IL1R1: variants seen among roughly 807,000 people sequenced by gnomAD.
IL1R1 encodes the protein interleukin-1 receptor type 1.
In IL1R1, 22 loss-of-function variants were observed where a neutral mutation model predicts 50.2. That is an observed-to-expected ratio of 0.44 (90% CI 0.31 to 0.63). IL1R1 has a LOEUF of 0.63. Among genes scored for constraint, IL1R1 ranks in the 20% least tolerant of loss-of-function variants. The probability of loss-of-function intolerance (pLI) is 0.07; values close to 1 mark genes in which losing one functional copy is unlikely to be tolerated. For synonymous variants in IL1R1, 251 were observed against 236.7 expected (o/e 1.06, Z -0.55); for missense variants, 509 against 676.2 (o/e 0.75, Z 2.74).
chr2:102,094,415 C>A (rs974286113), intron 1 of IL1R1, among the ~76,000 whole-genome samples: 2 of 152,208 alleles, frequency 1.3e-5, no homozygotes, highest in African/African-American at 4.8e-5. Context: ...TATTCAAAAT[C>A]ATCTTTGTCA....
At position 102,164,381 on chromosome 2, in the gene IL1R1, G is replaced by A. The variant is rs184226087; in HGVS notation, c.62-393G>A. On this transcript the variant is annotated intron_variant, in intron 3 of 11. Transcript: ENST00000410023. ...CTGGGATTTCTCTCCTTTGTTTTCTGATGTTCAATGTCTTGAATACTGTTG... is the reference window on the plus strand; with the variant it reads ...CTGGGATTTCTCTCCTTTGTTTTCTAATGTTCAATGTCTTGAATACTGTTG... Among the ~76,000 whole-genome samples the A allele has an allele frequency of 9.2e-5, 14 of 152,136 alleles. No homozygotes were observed. In the East Asian group the frequency reaches 2.7e-3, roughly 29 times the overall value.
intron 1 of IL1R1, among the ~76,000 whole-genome samples, chr2:102,085,618 T>C (rs755477361): frequency 2.0e-5 from 3 of 152,038 alleles, no homozygotes; most frequent in Non-Finnish European, 4.4e-5. Flanking sequence ...CTAATTACTA[T>C]AGCCCTGATA....
At chr2:102,145,401 GA>G (rs1266508846) in intron 1 of IL1R1, among the ~76,000 whole-genome samples, 13 of 152,268 alleles carry the variant, frequency 8.5e-5, no homozygotes, top group African/African-American at 3.1e-4. Flanking sequence ...GAGCATGTGG[GA>G]AGCCCTGGCC....
chr2:102,128,283 G>A (rs1452304018), intron 1 of IL1R1, among the ~76,000 whole-genome samples: 1 of 152,100 alleles, frequency 6.6e-6, no homozygotes, highest in Non-Finnish European at 1.5e-5. Flanking sequence ...TGAAGCTCCA[G>A]TAACATTTGC....
exon 1 of IL1R1, chr2:102,104,779 T>C (rs1480299439): frequency 1.3e-5 from 2 of 152,166 alleles, no homozygotes; most frequent in Non-Finnish European, 2.9e-5. Flanking sequence ...CAGGCTTCAT[T>C]TGGGAAAAGA....
intron 3 of IL1R1, 123 bp downstream of exon 3, chr2:102,157,908 G>A: frequency 1.5e-6 from 1 of 686,748 alleles, no homozygotes; most frequent in South Asian, 1.7e-5. Flanking sequence ...TGGGCACAGA[G>A]CCTCCTGGTC....
rs1416742480 is a variant in IL1R1, at chr2:102,166,278, CTAGG to C, written c.654_655+2del. On this transcript the variant is annotated splice_donor_variant and coding_sequence_variant, in exon 6 of 12. Transcript: ENST00000410023. LOFTEE classifies it high-confidence loss of function. ...TACCCGGGTAATAGAATTTATTACT[CTAGG>C]TGAGTCATAGCTCCAGCCCTAAAAG... 1 of 1,610,778 alleles carries C rather than the reference CTAGG, an allele frequency of 6.2e-7. No homozygotes were observed. The highest frequency in any genetic ancestry group is 8.5e-7 in the Non-Finnish European group (1 of 1,177,656).
intron 1 of IL1R1, among the ~76,000 whole-genome samples, chr2:102,111,551 C>G (rs185187769): frequency 0.011 from 1,624 of 152,246 alleles, 64 homozygotes; most frequent in Non-Finnish European, 6.5e-3. Context: ...GTGCTAAGCC[C>G]TGTGCTAGGT....
chr2:102,127,238 A>C (rs1681764562), intron 1 of IL1R1, among the ~76,000 whole-genome samples: 1 of 152,208 alleles, frequency 6.6e-6, no homozygotes, highest in Non-Finnish European at 1.5e-5. Flanking sequence ...TTGTCCTAAA[A>C]TTAATACCTG....
At chr2:102,100,646 A>G (rs1395750963), upstream of IL1R1, among the ~76,000 whole-genome samples, 1 of 152,130 alleles carries the variant, frequency 6.6e-6, no homozygotes, top group Non-Finnish European at 1.5e-5. Context: ...TAGTCATTTC[A>G]TGCTTTCTCT....
At chr2:102,096,720 A>C (rs1577833425) in intron 1 of IL1R1, among the ~76,000 whole-genome samples, 1 of 152,028 alleles carries the variant, frequency 6.6e-6, no homozygotes, top group South Asian at 2.1e-4. Flanking sequence ...TAATGTAGGC[A>C]AATATATTAA....
chr2:102,163,526 C>A (rs1684909151), intron 3 of IL1R1, among the ~76,000 whole-genome samples: 1 of 152,036 alleles, frequency 6.6e-6, no homozygotes, highest in Non-Finnish European at 1.5e-5. Flanking sequence ...TTTTTTGTAA[C>A]TCAACATTAT....
At chr2:102,150,518 T>G (rs1289895025) in intron 1 of IL1R1, among the ~76,000 whole-genome samples, 2 of 152,258 alleles carry the variant, frequency 1.3e-5, no homozygotes, top group Non-Finnish European at 2.9e-5. Flanking sequence ...AATCAACAAG[T>G]AACTTTGTGT....
At chr2:102,087,543 C>T (rs754575833) in intron 1 of IL1R1, among the ~76,000 whole-genome samples, 26 of 152,294 alleles carry the variant, frequency 1.7e-4, no homozygotes, top group African/African-American at 2.4e-4. Flanking sequence ...TTGTAATTCT[C>T]GTGCATCAGG....
rs1310848573 is a variant in IL1R1 at position 102,172,558 on chromosome 2, G to A, written c.840-129G>A. On this transcript the variant is annotated intron_variant, in intron 8 of 11. Coordinates refer to ENST00000410023, the MANE Select transcript of IL1R1 (RefSeq NM_000877.4). Reference sequence around the variant, plus strand: ...TGCCAGCAGTCTGAATGTTGTGACTGTGATTGGGCAGGGTGATTATTTCAG... The same window carrying A: ...TGCCAGCAGTCTGAATGTTGTGACTATGATTGGGCAGGGTGATTATTTCAG... 1.0e-5 allele frequency: 11 copies of A among 1,054,962 alleles called. No individual in the cohort carries two copies. The South Asian group carries it at 1.2e-4, about 11-fold the overall frequency. The allele number at this position is 1,054,962 out of a possible 1,614,324, so 65.4% of individuals were successfully genotyped here. A position where few individuals can be genotyped will look rare whatever the true frequency, so the allele number is the denominator to read the frequency against.
chr2:102,164,076 C>G (rs1469859856), intron 3 of IL1R1, among the ~76,000 whole-genome samples: 2 of 152,128 alleles, frequency 1.3e-5, no homozygotes, highest in Non-Finnish European at 2.9e-5. Flanking sequence ...GTTACTCCCT[C>G]CAGTTCGTTT....
At chr2:102,104,362 T>A (rs1338936953), upstream of IL1R1, among the ~76,000 whole-genome samples, 1 of 152,124 alleles carries the variant, frequency 6.6e-6, no homozygotes. Flanking sequence ...GATGGGAACA[T>A]GATAATGAGC....
intron 1 of IL1R1, among the ~76,000 whole-genome samples, chr2:102,121,976 C>T (rs768191154): frequency 1.3e-5 from 2 of 152,124 alleles, no homozygotes; most frequent in Non-Finnish European, 2.9e-5. Context: ...AGCTGCCAGG[C>T]AACCAGAATC....
chr2:102,106,527 C>T (rs946794424), intron 1 of IL1R1, among the ~76,000 whole-genome samples: 35 of 152,042 alleles, frequency 2.3e-4, no homozygotes, highest in Non-Finnish European at 1.0e-4. Flanking sequence ...CAAAGAATAG[C>T]GAGGGTATAC....
Sources: allele counts gnomAD v4.1 joint callset (sites outside exome capture counted in the v4.1 genomes callset), GRCh38; gene constraint gnomAD v4.1.1; transcripts MANE v1.5; gene names NCBI Gene and HGNC (gene_info 2026-07-23, HGNC 2026-07-21).